XKRX: variants seen among roughly 807,000 people sequenced by gnomAD.
XKRX encodes the protein XK related X-linked.
XKRX carries 11 observed loss-of-function variants against 22.4 expected under a neutral mutation model. The observed-to-expected ratio is 0.49, with a 90% CI of 0.31 to 0.81. The LOEUF (loss-of-function observed/expected upper bound fraction) is 0.81, where lower values mean the gene tolerates loss of function less well. Among genes scored for constraint, XKRX ranks in the 40% least tolerant of loss-of-function variants. XKRX has a pLI of 0.05. For synonymous variants in XKRX, 114 were observed against 132.2 expected, an observed-to-expected ratio of 0.86 and a Z score of 0.94; for missense variants, 320 against 336.5, an observed-to-expected ratio of 0.95 and a Z score of 0.38.
At chrX:100,891,656 C>T in the XKRX span, among the ~76,000 whole-genome samples, 2 of 107,577 alleles carry the variant, frequency 1.9e-5, no homozygotes, top group Non-Finnish European at 3.8e-5. Flanking sequence ...TTTGGGAGCC[C>T]GAGGCAGGTG....
At chrX:100,916,988 G>A (rs886468208) in intron 2 of XKRX, among the ~76,000 whole-genome samples, 4 of 111,884 alleles carry the variant, frequency 3.6e-5, no homozygotes, top group African/African-American at 9.7e-5. Flanking sequence ...GCGTGGTGGC[G>A]TGCACCTGTA....
At chrX:100,911,607 T>G, downstream of XKRX, 1 of 448,509 alleles carries the variant, frequency 2.2e-6, no homozygotes. Context: ...TCAAGAGATT[T>G]ATTAAATTGC....
In XKRX at chrX:100,928,782, C is replaced by T; in HGVS notation, c.-478G>A. ...TGTGTCCTCTCAAGTCAGCGGAGAG[C>T]TGAGCCAGGGCAGAAGAGCGGGCGC... On this transcript the variant is annotated 5_prime_UTR_variant, in exon 1 of 3. Coordinates refer to ENST00000372956, the MANE Select transcript of XKRX (RefSeq NM_212559.3). The T allele has an allele frequency of 1.3e-6, 1 of 758,628 alleles. No homozygotes were observed. The highest frequency in any genetic ancestry group is 1.6e-6 in the Non-Finnish European group (1 of 642,387). 62.5% of individuals were successfully genotyped at this position (758,628 alleles called of 1,213,427 possible). A position where few individuals can be genotyped will look rare whatever the true frequency, so the allele number is the denominator to read the frequency against.
At chrX:100,939,258 A>T in the XKRX span, among the ~76,000 whole-genome samples, 1 of 111,973 alleles carries the variant, frequency 8.9e-6, no homozygotes, top group South Asian at 3.8e-4. Flanking sequence ...ATATGTATTA[A>T]TCTTGTCAAA....
upstream of XKRX, among the ~76,000 whole-genome samples, chrX:100,932,181 C>T (rs191652597): frequency 7.2e-5 from 8 of 111,446 alleles, no homozygotes; most frequent in South Asian, 7.7e-4. Context: ...CTTATTTCCC[C>T]GTTCCTTTGC....
upstream of XKRX, among the ~76,000 whole-genome samples, chrX:100,932,264 G>C (rs1334897261): frequency 9.0e-6 from 1 of 111,547 alleles, no homozygotes; most frequent in Non-Finnish European, 1.9e-5. Flanking sequence ...GCCATCTCAA[G>C]ATTCCAGCTC....
upstream of XKRX, among the ~76,000 whole-genome samples, chrX:100,934,053 C>T (rs1034777055): frequency 9.0e-6 from 1 of 111,154 alleles, no homozygotes; most frequent in African/African-American, 3.3e-5. Context: ...CCTCGCAGCA[C>T]TAGGCAACCA....
At chrX:100,911,405 A>G, downstream of XKRX, 1 of 800,724 alleles carries the variant, frequency 1.2e-6, no homozygotes, top group Non-Finnish European at 1.9e-6. Flanking sequence ...TGTGACGCAA[A>G]GAGGCAAAGT....
At chrX:100,920,340 A>G (rs751368968) in intron 2 of XKRX, among the ~76,000 whole-genome samples, 6 of 111,395 alleles carry the variant, frequency 5.4e-5, no homozygotes, top group African/African-American at 1.6e-4. Context: ...CTTTTGAAAA[A>G]TACTTTGTTG....
intron 2 of XKRX, among the ~76,000 whole-genome samples, chrX:100,917,678 G>A (rs866386896): frequency 3.7e-3 from 260 of 69,503 alleles, no homozygotes; most frequent in Middle Eastern, 0.015. Flanking sequence ...AGAAAGAAAA[G>A]AAAGAAAGAA....
At chrX:100,917,762 C>T (rs1251754123) in intron 2 of XKRX, among the ~76,000 whole-genome samples, 1 of 106,098 alleles carries the variant, frequency 9.4e-6, no homozygotes, top group Non-Finnish European at 1.9e-5. Flanking sequence ...TTGGAAGTCA[C>T]TGAATATCTA....
chrX:100,916,298 A>G (rs1340285911), intron 2 of XKRX, among the ~76,000 whole-genome samples: 3 of 112,282 alleles, frequency 2.7e-5, no homozygotes, highest in Non-Finnish European at 5.6e-5. Flanking sequence ...TGATAGTCTT[A>G]TATCAGTTTT....
rs749763658 is a variant in XKRX at position 100,915,688 on chromosome X, C to CTGTGTGTGTG, written c.605-615_605-606dup. On this transcript the variant is annotated intron_variant, in intron 2 of 2. Transcript: ENST00000372956. The stretch of plus-strand genomic sequence containing the variant: ...GATAAAGAAAATCTGGTGGGTGTGT[C>CTGTGTGTGTG]TGTGTGTGTGTGTGTGTGTGCGTGT... Among the ~76,000 whole-genome samples, 86 of 102,467 alleles carry CTGTGTGTGTG rather than the reference C, an allele frequency of 8.4e-4. No individual in the cohort carries two copies. In the East Asian group the frequency reaches 0.025, roughly 30 times the overall value. The allele number at this position is 102,467 out of a possible 115,157, so 89.0% of individuals were successfully genotyped here.
chrX:100,917,606 G>C lies in XKRX; in HGVS notation c.605-2523C>G, dbSNP rs539700799. ...GAAAGAAAAGAAAGAAAAAGAAAAG[G>C]AAAAAGAGAGAAAGAAAGAGAAAGA... On this transcript the variant is annotated intron_variant, in intron 2 of 2. Coordinates refer to ENST00000372956, the MANE Select transcript of XKRX (RefSeq NM_212559.3). 4.8e-5 allele frequency among the ~76,000 whole-genome samples: 4 copies of C among 83,869 alleles called. No homozygotes were observed. The South Asian group carries it at 2.4e-3, about 51-fold the overall frequency. 72.8% of individuals were successfully genotyped at this position (83,869 alleles called of 115,157 possible).
downstream of XKRX, among the ~76,000 whole-genome samples, chrX:100,912,095 G>A (rs1325708261): frequency 9.0e-6 from 1 of 111,544 alleles, no homozygotes; most frequent in Non-Finnish European, 1.9e-5. Context: ...TGGCTTTTAT[G>A]GACCAAATTA....
Position 100,914,450 on chromosome X carries a change from G to A in XKRX, c.1238C>T (p.Thr413Ile), listed in dbSNP as rs1461052125. 8.3e-7 allele frequency: 1 copy of A among 1,210,584 alleles called. No individual in the cohort carries two copies. Among genetic ancestry groups the A allele is most frequent in the African/African-American group, 1.7e-5 (1 of 57,347 alleles). Residue 413 changes from threonine (T) to isoleucine (I), a missense_variant, in exon 3 of 3, where the codon ACC becomes ATC. Coordinates refer to ENST00000372956, the MANE Select transcript of XKRX (RefSeq NM_212559.3). ...QYLHPLRSLF[T>I]HNVVDYLHCV... ...ATGGAGGTAGTCTACTACATTATGG[G>A]TGAAGAGTGAGCGCAATGGATGCAA...
chrX:100,900,315 C>A, the XKRX span, among the ~76,000 whole-genome samples: 1 of 110,514 alleles, frequency 9.0e-6, no homozygotes, highest in Non-Finnish European at 1.9e-5. Context: ...CCTGTCTTGG[C>A]CTCCCAAAGT....
At chrX:100,953,618 A>G in the XKRX span, among the ~76,000 whole-genome samples, 1 of 111,770 alleles carries the variant, frequency 8.9e-6, no homozygotes, top group South Asian at 3.7e-4. Context: ...ATAAATAAAT[A>G]CCTCTTAAGG....
At chrX:100,906,949 G>A in the XKRX span, among the ~76,000 whole-genome samples, 8 of 111,408 alleles carry the variant, frequency 7.2e-5, no homozygotes, top group African/African-American at 2.6e-4. Flanking sequence ...GGATCCTTGG[G>A]ATTACACCAG....
Sources: gnomAD v4.1 joint callset for allele counts (sites outside exome capture counted in the v4.1 genomes callset) on GRCh38, gnomAD v4.1.1 for gene constraint, MANE v1.5 for transcripts, NCBI Gene and HGNC (gene_info 2026-07-23, HGNC 2026-07-21) for gene names.